KIF13B: variants seen among roughly 807,000 people sequenced by gnomAD.
KIF13B encodes the protein kinesin family member 13B, also known as kinesin-like protein KIF13B.
A neutral mutation model predicts 222.0 loss-of-function variants in KIF13B; 127 were observed. That is an observed-to-expected ratio of 0.57 (90% CI 0.50 to 0.66). KIF13B has a LOEUF of 0.66. KIF13B is among the 30% of genes least tolerant of loss of function. The pLI, the probability that KIF13B is intolerant of heterozygous loss-of-function variation, is 0.00. For missense variants in KIF13B, 2,173 were observed against 2,379.0 expected, an observed-to-expected ratio of 0.91 and a Z score of 1.80; for synonymous variants, 976 against 919.0, an observed-to-expected ratio of 1.06 and a Z score of -1.12.
At position 29,176,116 on chromosome 8, in the gene KIF13B, C is replaced by A. The variant is rs1302902650; in HGVS notation, c.897G>T (p.Lys299Asn). Residue 299 changes from lysine to asparagine, a missense_variant, in exon 10 of 40, where the codon AAG (lysine) becomes AAT (asparagine). Lys to Asn is a moderately conservative substitution (Grantham distance 94). Coordinates refer to ENST00000524189, the MANE Select transcript of KIF13B (RefSeq NM_015254.4). The stretch of plus-strand genomic sequence containing the variant: ...AGTCACGATATGGAACAAATTTATT[C>A]TTGTTTTTGCCAGCACTCTGATCTG... ...ALADQSAGKN[K>N]NKFVPYRDSV... The A allele has an allele frequency of 1.2e-6, 2 of 1,613,604 alleles. No homozygotes were observed. Among genetic ancestry groups the A allele is most frequent in the Admixed American group, 1.7e-5 (1 of 59,982 alleles).
rs1206883853 is a variant in KIF13B, at chr8:29,167,579, G to T, written c.952C>A (p.Leu318Ile). ...ATGGCGGTCTTGCTGTTACCCCCGA[G>T]GCTGTCCTACAGGAGAAAACAGAAA... ...SVLTWLLKDS[L>I]GGNSKTAMVA... Residue 318 changes from leucine to isoleucine, a missense_variant, in exon 11 of 40, where the codon CTC (leucine) becomes ATC (isoleucine). Transcript: ENST00000524189. 1 of 1,613,690 alleles carries T rather than the reference G, an allele frequency of 6.2e-7. No homozygotes were observed.
At chr8:29,184,488 A>G (rs1398776183) in intron 6 of KIF13B, among the ~76,000 whole-genome samples, 2 of 152,152 alleles carry the variant, frequency 1.3e-5, no homozygotes, top group Non-Finnish European at 1.5e-5. Context: ...TCCCTCTTCA[A>G]GTTCCCTCTA....
chr8:29,091,261 T>C (rs1808286774), intron 37 of KIF13B, among the ~76,000 whole-genome samples: 1 of 152,226 alleles, frequency 6.6e-6, no homozygotes, highest in Admixed American at 6.5e-5. Context: ...AATCACTCGT[T>C]GCCAAAACAG....
At chr8:29,143,520 C>T (rs1199247111) in intron 18 of KIF13B, among the ~76,000 whole-genome samples, 4 of 152,240 alleles carry the variant, frequency 2.6e-5, no homozygotes, top group African/African-American at 9.6e-5. Flanking sequence ...CACATTATTA[C>T]CGTGCCAAAT....
At chr8:29,202,340 CAG>C (rs1348713000) in intron 2 of KIF13B, among the ~76,000 whole-genome samples, 4 of 152,242 alleles carry the variant, frequency 2.6e-5, no homozygotes, top group South Asian at 2.1e-4. Context: ...TGTTTTGAGA[CAG>C]AGTCTTGCTC....
upstream of KIF13B, chr8:29,263,086 G>A (rs1037210375): frequency 1.8e-5 from 27 of 1,496,544 alleles, no homozygotes; most frequent in African/African-American, 2.0e-4. Flanking sequence ...GGCCACCGGC[G>A]ACTCTTCGGG....
chr8:29,253,828 CAAAAAA>C (rs1163069689), intron 1 of KIF13B, among the ~76,000 whole-genome samples: 3 of 21,546 alleles, frequency 1.4e-4, no homozygotes, highest in Non-Finnish European at 2.9e-4. Context: ...GAGACTGTCT[CAAAAAA>C]AAAAAAAAAA....
chr8:29,214,772 G>T (rs577888558), intron 2 of KIF13B, among the ~76,000 whole-genome samples: 3 of 152,142 alleles, frequency 2.0e-5, no homozygotes, highest in Non-Finnish European at 4.4e-5. Flanking sequence ...GCTTTCACCA[G>T]CCTCACCATA....
At chr8:29,199,480 T>C (rs1813589871) in intron 2 of KIF13B, among the ~76,000 whole-genome samples, 1 of 149,060 alleles carries the variant, frequency 6.7e-6, no homozygotes, top group Non-Finnish European at 1.5e-5. Flanking sequence ...TCTGAAATGG[T>C]CCAAAATCTG....
intron 37 of KIF13B, among the ~76,000 whole-genome samples, chr8:29,077,028 A>ATG (rs1413408567): frequency 6.6e-6 from 1 of 152,186 alleles, no homozygotes; most frequent in East Asian, 1.9e-4. Flanking sequence ...AACAAAAGGA[A>ATG]TGTGTACTTT....
At chr8:29,178,344 A>G (rs1001779378) in intron 8 of KIF13B, among the ~76,000 whole-genome samples, 7 of 152,132 alleles carry the variant, frequency 4.6e-5, no homozygotes, top group African/African-American at 1.4e-4. Context: ...ATTTTGTAAC[A>G]TTTACATCTT....
intron 31 of KIF13B, among the ~76,000 whole-genome samples, chr8:29,114,269 A>G (rs1156455988): frequency 6.6e-6 from 1 of 152,248 alleles, no homozygotes; most frequent in Non-Finnish European, 1.5e-5. Context: ...AAACATGTGA[A>G]GCCCCCAAGA....
At chr8:29,262,804 A>G (rs1290546214) in intron 1 of KIF13B, among the ~76,000 whole-genome samples, 176 bp downstream of exon 1, 1 of 149,186 alleles carries the variant, frequency 6.7e-6, no homozygotes, top group South Asian at 2.1e-4. Flanking sequence ...GGGAGGGGAG[A>G]AGAGGGAGCC....
chr8:29,180,137 G>A lies in KIF13B; in HGVS notation c.687C>T (p.Thr229=). ...SSRSHAVFKI[T]LTHTLYDVKS... ...TCACATCGTAGAGAGTATGTGTGAG[G>A]GTGATTTTGAAAACTGCATGGGATC... Residue 229 remains threonine (T), a synonymous_variant, in exon 8 of 40, where the codon ACC becomes ACT. Coordinates refer to ENST00000524189, the MANE Select transcript of KIF13B (RefSeq NM_015254.4). 1 of 1,613,954 alleles carries A rather than the reference G, an allele frequency of 6.2e-7. No individual in the cohort carries two copies. The highest frequency in any genetic ancestry group is 8.5e-7 in the Non-Finnish European group (1 of 1,179,880).
rs960137451 is a variant in KIF13B, at chr8:29,067,452, C to A, written c.*3052G>T. 10 of 152,500 alleles carry A rather than the reference C, an allele frequency of 6.6e-5. No individual in the cohort carries two copies. The highest frequency in any genetic ancestry group is 2.4e-4 in the African/African-American group (10 of 41,430). 9.4% of individuals were successfully genotyped at this position (152,500 alleles called of 1,614,324 possible). ...AACTCCCATTTACTGTGTACCAAATCAATATAATCACAGAATCAAAGTCAC... is the reference window on the plus strand; with the variant it reads ...AACTCCCATTTACTGTGTACCAAATAAATATAATCACAGAATCAAAGTCAC... On this transcript the variant is annotated 3_prime_UTR_variant, in exon 40 of 40. Transcript: ENST00000524189.
intron 6 of KIF13B, among the ~76,000 whole-genome samples, chr8:29,182,452 T>C (rs1322434145): frequency 2.0e-5 from 3 of 152,202 alleles, no homozygotes; most frequent in Non-Finnish European, 2.9e-5. Context: ...TCAGGGCTTC[T>C]AGGCTATCCA....
At chr8:29,260,810 G>A (rs946301873) in intron 1 of KIF13B, among the ~76,000 whole-genome samples, 33 of 152,220 alleles carry the variant, frequency 2.2e-4, no homozygotes, top group African/African-American at 7.9e-4. Flanking sequence ...TAGAGACAGG[G>A]TTTTGCCATG....
chr8:29,101,055 G>A lies in KIF13B; in HGVS notation c.4216-1814C>T, dbSNP rs556619171. ...GAGAACAAGGGAGAGAGCAACACGT[G>A]ATCATCGAGAACGTAAGCTCTGAAA... On this transcript the variant is annotated intron_variant, in intron 35 of 39. Transcript: ENST00000524189. 5.3e-5 allele frequency among the ~76,000 whole-genome samples: 8 copies of A among 152,334 alleles called. No homozygotes were observed. In the East Asian group the frequency reaches 1.5e-3, roughly 29 times the overall value.
intron 1 of KIF13B, among the ~76,000 whole-genome samples, chr8:29,248,978 T>A (rs973387868): frequency 2.0e-5 from 3 of 152,198 alleles, no homozygotes; most frequent in African/African-American, 7.2e-5. Context: ...CTAAAAACAC[T>A]GAATTGGTTG....
Sources: allele counts gnomAD v4.1 joint callset (sites outside exome capture counted in the v4.1 genomes callset), GRCh38; gene constraint gnomAD v4.1.1; transcripts MANE v1.5; gene names NCBI Gene and HGNC (gene_info 2026-07-23, HGNC 2026-07-21).